CYP4V2: variants seen among roughly 807,000 people sequenced by gnomAD.
The protein encoded by CYP4V2 is cytochrome P450 family 4 subfamily V member 2.
Under a neutral mutation model 60.8 loss-of-function variants are expected in CYP4V2, and 55 were observed. The observed-to-expected ratio is 0.90, with a 90% CI of 0.73 to 1.13. The LOEUF is 1.13. CYP4V2 is among the 50% of genes most tolerant of loss of function. CYP4V2 has a pLI of 0.00. For synonymous variants in CYP4V2, 239 were observed against 236.8 expected, an observed-to-expected ratio of 1.01 and a Z score of -0.08; for missense variants, 675 against 662.9, an observed-to-expected ratio of 1.02 and a Z score of -0.20.
chr4:186,196,575 TG>T, intron 3 of CYP4V2: 1 of 304,296 alleles, frequency 3.3e-6, no homozygotes, highest in South Asian at 3.7e-5. Context: ...GGTAGAACCA[TG>T]GAGTGTGAGG....
chr4:186,201,262 C>T lies in CYP4V2; in HGVS notation c.907C>T (p.Leu303Phe). The change falls in exon 7 of 11, where the codon CTT becomes TTT. Residue 303 changes from leucine to phenylalanine, a missense_variant. Physicochemically the swap from Leu to Phe is conservative, Grantham distance 22. Coordinates refer to ENST00000378802, the MANE Select transcript of CYP4V2 (RefSeq NM_207352.4). ...KNKRRAFLDL[L>F]LSVTDDEGNR... is the part of the protein sequence containing the mutation. ...TAAACGCAGGGCCTTTCTTGACTTG[C>T]TTTTAAGTGTGACTGATGACGAAGG... is the stretch of plus-strand genomic sequence containing the variant. 1 of 1,614,120 alleles carries T rather than the reference C, an allele frequency of 6.2e-7. No individual in the cohort carries two copies. The highest frequency in any genetic ancestry group is 8.5e-7 in the Non-Finnish European group (1 of 1,180,020).
intron 10 of CYP4V2, 96 bp from the exon 11 acceptor site, chr4:186,210,373 A>T: frequency 6.5e-7 from 1 of 1,535,618 alleles, no homozygotes. Flanking sequence ...CTACTGCGAA[A>T]ATGTAAAGTG....
chr4:186,213,196 G>A lies in CYP4V2; in HGVS notation c.*2555G>A, dbSNP rs150772109. On this transcript the variant is annotated 3_prime_UTR_variant, in exon 11 of 11. Transcript: ENST00000378802. ...AGTAAGTCATTTAAGCTATGACAGA[G>A]TAGGAATTGAGAAATTATTTCATAT... is the stretch of plus-strand genomic sequence containing the variant. The A allele has an allele frequency of 6.6e-6, 1 of 152,324 alleles. No homozygotes were observed. Among genetic ancestry groups the A allele is most frequent in the Non-Finnish European group, 1.5e-5 (1 of 68,028 alleles). The allele number at this position is 152,324 out of a possible 1,614,324, so 9.4% of individuals were successfully genotyped here.
chr4:186,210,034 T>A (rs1468509695), intron 10 of CYP4V2, among the ~76,000 whole-genome samples: 3 of 152,214 alleles, frequency 2.0e-5, no homozygotes, highest in African/African-American at 7.2e-5. Context: ...TGAATGCACA[T>A]CACCACCCTG....
chr4:186,210,837 T>G lies in CYP4V2; in HGVS notation c.*196T>G. ...TTGTATTTTCTTTTTTCTTTTTTCT[T>G]TATTTTTTTTTTTTGAAACCGTGTC... On this transcript the variant is annotated 3_prime_UTR_variant, in exon 11 of 11. Coordinates refer to ENST00000378802, the MANE Select transcript of CYP4V2 (RefSeq NM_207352.4). 1.5e-6 allele frequency: 1 copy of G among 679,692 alleles called. No homozygotes were observed. Among genetic ancestry groups the G allele is most frequent in the South Asian group, 2.0e-5 (1 of 50,096 alleles). 42.1% of individuals were successfully genotyped at this position (679,692 alleles called of 1,614,324 possible). A position where few individuals can be genotyped will look rare whatever the true frequency, so the allele number is the denominator to read the frequency against.
At chr4:186,199,792 GT>G (rs1736256138) in intron 6 of CYP4V2, among the ~76,000 whole-genome samples, 1 of 151,802 alleles carries the variant, frequency 6.6e-6, no homozygotes, top group Admixed American at 6.6e-5. Flanking sequence ...TTAATAATGT[GT>G]TTTGAAAAAG....
chr4:186,200,634 G>C (rs919982174), intron 6 of CYP4V2, among the ~76,000 whole-genome samples: 7 of 152,150 alleles, frequency 4.6e-5, no homozygotes, highest in Non-Finnish European at 1.0e-4. Flanking sequence ...CTCTCTGATC[G>C]TGTGACAATG....
intron 7 of CYP4V2, chr4:186,203,962 G>A (rs1431116622): frequency 6.6e-6 from 1 of 152,172 alleles, no homozygotes. Flanking sequence ...TTTTATAGAG[G>A]AAATAATTTG....
At chr4:186,197,728 C>A (rs1239625970) in intron 5 of CYP4V2, 126 bp downstream of exon 5, 2 of 959,978 alleles carry the variant, frequency 2.1e-6, no homozygotes, top group Non-Finnish European at 3.2e-6. Context: ...AGAAGTTAAC[C>A]TCATCATGTA....
intron 1 of CYP4V2, among the ~76,000 whole-genome samples, chr4:186,193,281 A>T (rs1171147945): frequency 6.6e-6 from 1 of 152,226 alleles, no homozygotes; most frequent in East Asian, 1.9e-4. Flanking sequence ...CTGAAGTCTC[A>T]TCATACTGTT....
intron 5 of CYP4V2, 72 bp from the exon 6 acceptor site, chr4:186,198,885 A>C: frequency 6.2e-7 from 1 of 1,609,868 alleles, no homozygotes; most frequent in Non-Finnish European, 8.5e-7. Context: ...CATCAAGGCC[A>C]GGTACTAAAG....
At chr4:186,198,063 T>A (rs1028994784) in intron 5 of CYP4V2, among the ~76,000 whole-genome samples, 23 of 152,252 alleles carry the variant, frequency 1.5e-4, no homozygotes, top group African/African-American at 5.5e-4. Context: ...AAGTAGGTAT[T>A]GTTTTAGTCA....
chr4:186,199,500 G>A (rs143621718), intron 6 of CYP4V2, among the ~76,000 whole-genome samples: 1 of 152,316 alleles, frequency 6.6e-6, no homozygotes, highest in East Asian at 1.9e-4. Context: ...TCTAGTAGGA[G>A]AGGTGATCTA....
intron 4 of CYP4V2, 27 bp from the exon 5 acceptor site, chr4:186,197,506 T>G: frequency 6.2e-7 from 1 of 1,610,618 alleles, no homozygotes; most frequent in Non-Finnish European, 8.5e-7. Flanking sequence ...GTGAATTGAA[T>G]GGTTGCTTCT....
Position 186,208,854 on chromosome 4 carries a change from G to C in CYP4V2, c.1091-11G>C, listed in dbSNP as rs767908474. 6.2e-7 allele frequency: 1 copy of C among 1,614,168 alleles called. No homozygotes were observed. The highest frequency in any genetic ancestry group is 1.6e-4 in the Middle Eastern group (1 of 6,062). ...CTCTTTCAGGTCATCTTATCTACTTGCTTTCATCAGGGAAGTCTGACCGTC... is the reference window on the plus strand; with the variant it reads ...CTCTTTCAGGTCATCTTATCTACTTCCTTTCATCAGGGAAGTCTGACCGTC... On this transcript the variant is annotated splice_polypyrimidine_tract_variant and intron_variant, in intron 8 of 10. Transcript: ENST00000378802.
rs752645954 is a variant in CYP4V2, at chr4:186,194,595, A to G, written c.310A>G (p.Asn104Asp). ...VGPVPMVALY[N>D]AENVEVILTS... ...GCCAGTGCCCATGGTGGCCCTTTAT[A>G]ATGCAGAAAATGTGGAGGTGGGTAC... The change falls in exon 2 of 11, where the codon AAT becomes GAT. Residue 104 changes from asparagine to aspartate, a missense_variant. Asn to Asp is a conservative substitution (Grantham distance 23). Coordinates refer to ENST00000378802, the MANE Select transcript of CYP4V2 (RefSeq NM_207352.4). 6.2e-6 allele frequency: 10 copies of G among 1,613,888 alleles called. No homozygotes were observed. In the East Asian group the frequency reaches 2.2e-4, roughly 36 times the overall value.
chr4:186,209,241 G>T lies in CYP4V2; in HGVS notation c.1374G>T (p.Val458=). Residue 458 remains valine (V), a synonymous_variant, in exon 10 of 11, where the codon GTG becomes GTT. Coordinates refer to ENST00000378802, the MANE Select transcript of CYP4V2 (RefSeq NM_207352.4). ...AAGGGCGCCATCCATATGCCTACGT[G>T]CCCTTCTCTGCTGGCCCCAGGAACT... is the stretch of plus-strand genomic sequence containing the variant. ...NAQGRHPYAY[V]PFSAGPRNCI... The T allele has an allele frequency of 6.2e-7, 1 of 1,613,848 alleles. No homozygotes were observed.
rs1324188367 is a variant in CYP4V2 at position 186,212,047 on chromosome 4, C to T, written c.*1406C>T. The T allele has an allele frequency of 3.9e-5, 6 of 152,018 alleles. No individual in the cohort carries two copies. Among genetic ancestry groups the T allele is most frequent in the Non-Finnish European group, 8.8e-5 (6 of 68,010 alleles). The allele number at this position is 152,018 out of a possible 1,614,324, so 9.4% of individuals were successfully genotyped here. A position where few individuals can be genotyped will look rare whatever the true frequency, so the allele number is the denominator to read the frequency against. On this transcript the variant is annotated 3_prime_UTR_variant, in exon 11 of 11. Transcript: ENST00000378802. ...ACTTTAGAACTTATCTAGTTATGCT[C>T]CTTTATATTATAAGTAAGGGAATAG...
At chr4:186,192,084 G>A (rs1244244694) in intron 1 of CYP4V2, 47 bp downstream of exon 1, 10 of 1,534,706 alleles carry the variant, frequency 6.5e-6, no homozygotes, top group African/African-American at 1.4e-5. Flanking sequence ...CCGCAGCCCC[G>A]TTCCCACCCT....
Sources: allele counts gnomAD v4.1 joint callset (sites outside exome capture counted in the v4.1 genomes callset), GRCh38; gene constraint gnomAD v4.1.1; transcripts MANE v1.5; gene names NCBI Gene and HGNC (gene_info 2026-07-23, HGNC 2026-07-21).